Variants in OSBPL9 observed in about 807,000 individuals in gnomAD.
OSBPL9 encodes oxysterol binding protein like 9, also known as oxysterol-binding protein-related protein 9.
A neutral mutation model predicts 106.6 loss-of-function variants in OSBPL9; 40 were observed. That is an observed-to-expected ratio of 0.38 (90% CI 0.29 to 0.49). The LOEUF (loss-of-function observed/expected upper bound fraction) is 0.49. Ranked by LOEUF, OSBPL9 falls within the 20% of genes least tolerant of loss-of-function variation. The probability of loss-of-function intolerance (pLI) is 0.97; values close to 1 mark genes in which losing one functional copy is unlikely to be tolerated. For synonymous variants in OSBPL9, 269 were observed against 295.4 expected, an observed-to-expected ratio of 0.91 and a Z score of 0.92; for missense variants, 609 against 887.2, an observed-to-expected ratio of 0.69 and a Z score of 3.98.
At chr1:51,698,382 AACAG>A (rs1656522309) in intron 3 of OSBPL9, among the ~76,000 whole-genome samples, 1 of 152,314 alleles carries the variant, frequency 6.6e-6, no homozygotes, top group Admixed American at 6.5e-5. Flanking sequence ...AATGAATTAC[AACAG>A]ACAGAAAAAT....
intron 16 of OSBPL9, among the ~76,000 whole-genome samples, chr1:51,782,132 C>G (rs767154052): frequency 2.0e-4 from 31 of 152,108 alleles, no homozygotes; most frequent in Non-Finnish European, 4.0e-4. Context: ...AGGGAAGACT[C>G]AAATGCATGT....
At chr1:51,705,296 G>A (rs1658194455) in intron 3 of OSBPL9, among the ~76,000 whole-genome samples, 1 of 134,556 alleles carries the variant, frequency 7.4e-6, no homozygotes, top group South Asian at 2.4e-4. Flanking sequence ...GCTGCAACTG[G>A]CTTTTATTCT....
chr1:51,719,164 A>G (rs1185989635), intron 4 of OSBPL9, among the ~76,000 whole-genome samples: 1 of 152,140 alleles, frequency 6.6e-6, no homozygotes, highest in African/African-American at 2.4e-5. Context: ...TTCCTCCCCA[A>G]AGCAAATTGT....
At chr1:51,685,599 T>C (rs113335863) in intron 3 of OSBPL9, among the ~76,000 whole-genome samples, 2,108 of 152,300 alleles carry the variant, frequency 0.014, 26 homozygotes, top group Non-Finnish European at 0.023. Flanking sequence ...GGTTTTGCCA[T>C]GTTGGCCAGG....
At chr1:51,721,047 C>T (rs538126210) in intron 4 of OSBPL9, among the ~76,000 whole-genome samples, 106 of 152,140 alleles carry the variant, frequency 7.0e-4, no homozygotes, top group African/African-American at 2.5e-3. Context: ...GATCCACCTG[C>T]CTCAGCCTCC....
chr1:51,705,403 T>TA (rs1658308708), intron 3 of OSBPL9, among the ~76,000 whole-genome samples: 2 of 62,006 alleles, frequency 3.2e-5, no homozygotes, highest in African/African-American at 8.7e-5. Flanking sequence ...ATATATATTT[T>TA]TTTTTTTTTT....
At chr1:51,738,737 A>G (rs960228908) in intron 4 of OSBPL9, among the ~76,000 whole-genome samples, 4 of 152,066 alleles carry the variant, frequency 2.6e-5, no homozygotes, top group Non-Finnish European at 5.9e-5. Context: ...ACTTATGCTT[A>G]TAGCCTTTAC....
chr1:51,703,694 G>C (rs1343760227), intron 3 of OSBPL9, among the ~76,000 whole-genome samples: 1 of 152,178 alleles, frequency 6.6e-6, no homozygotes, highest in African/African-American at 2.4e-5. Context: ...GGAGTGGTGA[G>C]AGAGGGCATC....
chr1:51,678,009 A>AC (rs1651686556), intron 3 of OSBPL9, among the ~76,000 whole-genome samples: 1 of 151,252 alleles, frequency 6.6e-6, no homozygotes, highest in Admixed American at 6.6e-5. Flanking sequence ...TCCTGTCTCT[A>AC]CAAAAAAAAA....
intron 1 of OSBPL9, among the ~76,000 whole-genome samples, chr1:51,644,695 T>C (rs778629288): frequency 8.6e-5 from 13 of 151,972 alleles, no homozygotes; most frequent in Non-Finnish European, 1.8e-4. Context: ...GTGGAGAAAA[T>C]GTGAAATAGC....
intron 23 of OSBPL9, 53 bp from the exon 24 acceptor site, chr1:51,787,662 T>C (rs1678029803): frequency 1.9e-6 from 3 of 1,599,586 alleles, no homozygotes; most frequent in Admixed American, 3.3e-5. Context: ...AGTAAGTATA[T>C]TACAGAAGTA....
intron 3 of OSBPL9, among the ~76,000 whole-genome samples, chr1:51,696,955 C>G (rs1244577756): frequency 1.3e-5 from 2 of 151,888 alleles, no homozygotes; most frequent in Non-Finnish European, 2.9e-5. Context: ...AGTTCAAGAC[C>G]AGCTGAGCAA....
intron 1 of OSBPL9, among the ~76,000 whole-genome samples, chr1:51,595,632 A>G (rs1645295827): frequency 6.6e-6 from 1 of 152,168 alleles, no homozygotes; most frequent in Non-Finnish European, 1.5e-5. Flanking sequence ...AATTCATGTC[A>G]TTTCTACAAC....
the OSBPL9 span, among the ~76,000 whole-genome samples, chr1:51,568,315 C>T: frequency 6.6e-6 from 1 of 152,168 alleles, no homozygotes; most frequent in East Asian, 1.9e-4. Context: ...GTGTTACTAT[C>T]CCCCACTTTT....
Position 51,784,094 on chromosome 1 carries a change from G to A in OSBPL9, c.1624+69G>A, listed in dbSNP as rs1317491223. ...TTTTATGAAAATGGCTAGACTAGAT[G>A]TCATTGTTAGCAACTAAGCATTGGT... On this transcript the variant is annotated intron_variant, in intron 18 of 23. Coordinates refer to ENST00000428468, the MANE Select transcript of OSBPL9 (RefSeq NM_024586.6). 5 of 1,456,548 alleles carry A rather than the reference G, an allele frequency of 3.4e-6. No individual in the cohort carries two copies. In the Admixed American group the frequency reaches 6.7e-5, roughly 20 times the overall value. 90.2% of individuals were successfully genotyped at this position (1,456,548 alleles called of 1,614,324 possible). A position where few individuals can be genotyped will look rare whatever the true frequency, so the allele number is the denominator to read the frequency against.
the OSBPL9 span, among the ~76,000 whole-genome samples, chr1:51,550,190 T>G: frequency 6.6e-6 from 1 of 152,182 alleles, no homozygotes; most frequent in Non-Finnish European, 1.5e-5. Context: ...ATGAGCACAT[T>G]GTAGAAGCTC....
At chr1:51,732,586 C>G (rs1434683925) in intron 4 of OSBPL9, among the ~76,000 whole-genome samples, 5 of 152,204 alleles carry the variant, frequency 3.3e-5, no homozygotes, top group African/African-American at 1.2e-4. Flanking sequence ...CATCTCCAGT[C>G]ACCAGGTCCT....
chr1:51,618,898 G>A (rs1433169256), intron 1 of OSBPL9, among the ~76,000 whole-genome samples: 1 of 152,212 alleles, frequency 6.6e-6, no homozygotes, highest in African/African-American at 2.4e-5. Context: ...CTACAGGAAG[G>A]AGAAAAGTGT....
intron 1 of OSBPL9, among the ~76,000 whole-genome samples, chr1:51,629,898 A>G (rs1645005517): frequency 6.6e-6 from 1 of 151,946 alleles, no homozygotes; most frequent in Non-Finnish European, 1.5e-5. Context: ...GCAGTGAGTC[A>G]AGACTGTGCC....
Sources: allele counts gnomAD v4.1 joint callset (sites outside exome capture counted in the v4.1 genomes callset), GRCh38; gene constraint gnomAD v4.1.1; transcripts MANE v1.5; gene names NCBI Gene and HGNC (gene_info 2026-07-23, HGNC 2026-07-21).